SLC35B3: variants seen among roughly 807,000 people sequenced by gnomAD.
SLC35B3 encodes the protein solute carrier family 35 member B3.
Under a neutral mutation model 44.1 loss-of-function variants are expected in SLC35B3, and 35 were observed. The observed-to-expected ratio is 0.79, with a 90% CI of 0.61 to 1.05. The LOEUF (loss-of-function observed/expected upper bound fraction) is 1.05. Among genes scored for constraint, SLC35B3 ranks in the 50% least tolerant of loss-of-function variants. The pLI is 0.00. For missense variants in SLC35B3, 414 were observed against 476.4 expected, an observed-to-expected ratio of 0.87 and a Z score of 1.22; for synonymous variants, 146 against 167.3, an observed-to-expected ratio of 0.87 and a Z score of 0.98.
rs949655414 is a variant in SLC35B3 at position 8,419,015 on chromosome 6, T to C, written c.780+565A>G. ...TTCTGAATGCCACACAAGAGTGTGA[T>C]ATGATAAAGAGGGCATTTAAAATGA... is the stretch of plus-strand genomic sequence containing the variant. On this transcript the variant is annotated intron_variant, in intron 7 of 10. Transcript: ENST00000644923. The surrounding 1 kb of genome is among the most constrained non-coding windows in gnomAD (Gnocchi z 4.3). 1 of 153,874 alleles carries C rather than the reference T, an allele frequency of 6.5e-6. No individual in the cohort carries two copies. Among genetic ancestry groups the C allele is most frequent in the Non-Finnish European group, 1.5e-5 (1 of 68,348 alleles). The allele number at this position is 153,874 out of a possible 1,614,324, so 9.5% of individuals were successfully genotyped here.
chr6:8,429,205 G>A (rs1297326292), intron 3 of SLC35B3, among the ~76,000 whole-genome samples: 2 of 152,068 alleles, frequency 1.3e-5, no homozygotes, highest in African/African-American at 4.8e-5. Context: ...TCACTAGCCT[G>A]GATCCTCACC....
At chr6:8,417,283 G>A in intron 8 of SLC35B3, 119 bp downstream of exon 7, 4 of 668,302 alleles carry the variant, frequency 6.0e-6, no homozygotes, top group East Asian at 2.8e-5. Context: ...CGATTGGCAT[G>A]TTATGTTAAA....
rs1407225279 is a variant in SLC35B3, at chr6:8,435,411, T to TC, written c.-113dup. The TC allele has an allele frequency of 7.8e-7, 1 of 1,285,506 alleles. No individual in the cohort carries two copies. Among genetic ancestry groups the TC allele is most frequent in the South Asian group, 1.2e-5 (1 of 80,886 alleles). 79.6% of individuals were successfully genotyped at this position (1,285,506 alleles called of 1,614,324 possible). ...TGGCGTCTGAGCTAGACGGAGCATC[T>TC]CCCCCTCCCCTGGTCCGTCGCCATC... On this transcript the variant is annotated 5_prime_UTR_variant, in exon 1 of 11. It removes the in-frame stop codon of an upstream open reading frame in the 5' UTR. Coordinates refer to ENST00000644923, the MANE Select transcript of SLC35B3 (RefSeq NM_001370476.2). This position sits in a 1 kb window ranked among gnomAD's most constrained non-coding sequence, Gnocchi z 5.5.
rs765743302 is a variant in SLC35B3 at position 8,422,619 on chromosome 6, G to C, written c.425C>G (p.Pro142Arg). The stretch of plus-strand genomic sequence containing the variant: ...AGCTATTATCATGTAGGTTTTTCCT[G>C]GTATTCTGTAAAAGACAATTTTTAA... The change falls in exon 5 of 11, where the codon CCA (proline) becomes CGA (arginine). Residue 142 changes from proline to arginine, a missense_variant. By Grantham distance (103) the Pro-to-Arg change is moderately radical. Transcript: ENST00000644923. 2 of 1,602,508 alleles carry C rather than the reference G, an allele frequency of 1.2e-6. No homozygotes were observed. The highest frequency in any genetic ancestry group is 2.3e-5 in the South Asian group (2 of 88,276).
intron 2 of SLC35B3, among the ~76,000 whole-genome samples, chr6:8,431,132 AT>A (rs1763943324): frequency 6.6e-6 from 1 of 152,168 alleles, no homozygotes; most frequent in Non-Finnish European, 1.5e-5. Flanking sequence ...GAAGCCATCA[AT>A]TTCTCTTTGG....
At chr6:8,422,043 C>T (rs563674413) in intron 5 of SLC35B3, among the ~76,000 whole-genome samples, 2 of 152,266 alleles carry the variant, frequency 1.3e-5, no homozygotes, top group East Asian at 1.9e-4. Context: ...CTCGCTCTGT[C>T]GCCCAGGCTG....
intron 2 of SLC35B3, among the ~76,000 whole-genome samples, chr6:8,430,742 A>G (rs1278678774): frequency 6.6e-6 from 1 of 151,894 alleles, no homozygotes; most frequent in Non-Finnish European, 1.5e-5. Flanking sequence ...AAAATAAAAT[A>G]AAAAAATTAG....
intron 4 of SLC35B3, among the ~76,000 whole-genome samples, chr6:8,424,039 A>G (rs1245455219): frequency 2.0e-5 from 3 of 152,224 alleles, no homozygotes; most frequent in Admixed American, 1.3e-4. Context: ...TGAGTAGAAA[A>G]GTAGCACAGT....
chr6:8,416,840 T>C (rs368823164), intron 9 of SLC35B3, 44 bp downstream of exon 8: 7 of 993,588 alleles, frequency 7.0e-6, no homozygotes, highest in Non-Finnish European at 1.1e-5. Context: ...TCAGAGAAAA[T>C]GTAAATGCTT....
At chr6:8,418,500 C>T (rs1325753986) in intron 7 of SLC35B3, among the ~76,000 whole-genome samples, 2 of 149,416 alleles carry the variant, frequency 1.3e-5, no homozygotes, top group African/African-American at 2.5e-5. Flanking sequence ...CATACACACA[C>T]ATAATTTTCC....
At position 8,420,776 on chromosome 6, in the gene SLC35B3, GC is replaced by G; in HGVS notation, c.626del (p.Gly209AlafsTer2). The G allele has an allele frequency of 6.2e-7, 1 of 1,613,404 alleles. No homozygotes were observed. The highest frequency in any genetic ancestry group is 8.5e-7 in the Non-Finnish European group (1 of 1,179,460). ...TGTCAGCGAGGGTAAACCATATCAGGCCAAGGCTCATACATATGGCAGCAGA... is the reference window on the plus strand; with the variant it reads ...TGTCAGCGAGGGTAAACCATATCAGGCAAGGCTCATACATATGGCAGCAGA... On this transcript the variant is annotated frameshift_variant, in exon 6 of 11. Transcript: ENST00000644923. LOFTEE classifies it high-confidence loss of function. The surrounding 1 kb of genome is among the most constrained non-coding windows in gnomAD (Gnocchi z 4.4).
chr6:8,418,107 C>A (rs1762582245), intron 7 of SLC35B3, among the ~76,000 whole-genome samples: 1 of 152,088 alleles, frequency 6.6e-6, no homozygotes, highest in African/African-American at 2.4e-5. Flanking sequence ...TTATCATAAT[C>A]CAATTTCCAG....
At chr6:8,422,112 C>T (rs779175692) in intron 5 of SLC35B3, among the ~76,000 whole-genome samples, 1 of 152,088 alleles carries the variant, frequency 6.6e-6, no homozygotes, top group South Asian at 2.1e-4. Context: ...TCAAGCAATT[C>T]GTCTGCCTCA....
rs774762743 is a variant in SLC35B3, at chr6:8,414,968, C to T, written c.995G>A (p.Gly332Glu). The change falls in exon 10 of 11, where the codon GGA becomes GAA. Residue 332 changes from glycine to glutamate, a missense_variant. Physicochemically the swap from Gly to Glu is moderately conservative, Grantham distance 98. Transcript: ENST00000644923. ...AAGTACAATGGTCATTGCTTTTCTT[C>T]CTGTTGTCACTGTAGGAGCAAAAAA... 1.9e-6 allele frequency: 3 copies of T among 1,603,730 alleles called. No individual in the cohort carries two copies. The highest frequency in any genetic ancestry group is 2.6e-6 in the Non-Finnish European group (3 of 1,173,204).
Position 8,434,319 on chromosome 6 carries a change from A to G in SLC35B3, c.3+66T>C. The G allele has an allele frequency of 1.3e-6, 2 of 1,485,514 alleles. No homozygotes were observed. The highest frequency in any genetic ancestry group is 1.1e-5 in the South Asian group (1 of 87,498). The allele number at this position is 1,485,514 out of a possible 1,614,324, so 92.0% of individuals were successfully genotyped here. A position where few individuals can be genotyped will look rare whatever the true frequency, so the allele number is the denominator to read the frequency against. On this transcript the variant is annotated intron_variant, in intron 2 of 10. Transcript: ENST00000644923. This position sits in a 1 kb window ranked among gnomAD's most constrained non-coding sequence, Gnocchi z 6.3. ...AAAAAAAAGTCATTACGGTGTCATT[A>G]ACCTGAAAAAACGTGATTTTAACTA...
rs2113604597 is a variant in SLC35B3 at position 8,435,337 on chromosome 6, G to A, written c.-44+6C>T. ...AACACAGGAAAGGCCCCGAAGGCAC[G>A]CGTACCCCAAGGCCGGTATGTCACC... is the stretch of plus-strand genomic sequence containing the variant. On this transcript the variant is annotated splice_donor_region_variant and intron_variant, in intron 1 of 10. Coordinates refer to ENST00000644923, the MANE Select transcript of SLC35B3 (RefSeq NM_001370476.2). The surrounding 1 kb of genome is among the most constrained non-coding windows in gnomAD (Gnocchi z 5.5). 2 of 1,289,258 alleles carry A rather than the reference G, an allele frequency of 1.6e-6. No homozygotes were observed. The highest frequency in any genetic ancestry group is 5.6e-5 in the East Asian group (1 of 18,002). The allele number at this position is 1,289,258 out of a possible 1,614,324, so 79.9% of individuals were successfully genotyped here.
In SLC35B3 at chr6:8,428,067, A is replaced by G; in HGVS notation, c.298-9T>C. On this transcript the variant is annotated splice_polypyrimidine_tract_variant and intron_variant, in intron 3 of 10. Transcript: ENST00000644923. ...ACTGAAAATATTAATTCCTGTCAAA[A>G]GACACATGAACACTGTTAAGTCCAA... is the stretch of plus-strand genomic sequence containing the variant. 6.3e-7 allele frequency: 1 copy of G among 1,582,612 alleles called. No homozygotes were observed. The highest frequency in any genetic ancestry group is 1.2e-5 in the South Asian group (1 of 85,200).
chr6:8,424,947 C>A (rs1402340651), intron 4 of SLC35B3, among the ~76,000 whole-genome samples: 2 of 152,052 alleles, frequency 1.3e-5, no homozygotes, highest in Non-Finnish European at 2.9e-5. Context: ...AAAGGTCTAA[C>A]GAGTAGCAGT....
chr6:8,429,342 C>G (rs1395067777), intron 3 of SLC35B3, among the ~76,000 whole-genome samples: 1 of 151,916 alleles, frequency 6.6e-6, no homozygotes, highest in Non-Finnish European at 1.5e-5. Context: ...AGCAAAAAAT[C>G]ACAGAACAAT....
Sources: gnomAD v4.1 joint callset for allele counts (sites outside exome capture counted in the v4.1 genomes callset) on GRCh38, gnomAD v4.1.1 for gene constraint, Gnocchi (gnomAD v3.1) non-coding constraint, MANE v1.5 for transcripts, NCBI Gene and HGNC (gene_info 2026-07-23, HGNC 2026-07-21) for gene names.